Variants in COL27A1 observed in about 807,000 individuals in gnomAD.
The protein encoded by COL27A1 is collagen type XXVII alpha 1 chain.
COL27A1 carries 106 observed loss-of-function variants against 251.3 expected under a neutral mutation model. That is an observed-to-expected ratio of 0.42 (90% CI 0.36 to 0.50). The LOEUF (loss-of-function observed/expected upper bound fraction) is 0.50. Ranked by LOEUF, COL27A1 falls within the 20% of genes least tolerant of loss-of-function variation. COL27A1 has a pLI of 0.00. For missense variants in COL27A1, 2,325 were observed against 2,522.8 expected (o/e 0.92, Z 1.68); for synonymous variants, 1,000 against 986.3 (o/e 1.01, Z -0.26).
intron 28 of COL27A1, among the ~76,000 whole-genome samples, chr9:114,259,989 T>C (rs1177546326): frequency 1.3e-5 from 1 of 76,292 alleles, no homozygotes; most frequent in Non-Finnish European, 2.7e-5. Context: ...GCCCATGTCC[T>C]CTGGGTGGGG....
chr9:114,196,009 A>G lies in COL27A1; in HGVS notation c.2121A>G (p.Arg707=), dbSNP rs1588634633. 6.2e-7 allele frequency: 1 copy of G among 1,613,988 alleles called. No individual in the cohort carries two copies. The change falls in exon 7 of 61, where the codon CGA becomes CGG. Residue 707 remains arginine (R), a synonymous_variant. Coordinates refer to ENST00000356083, the MANE Select transcript of COL27A1 (RefSeq NM_032888.4). The part of the protein sequence containing the change: ...GLSGNPGPPG[R]KGHKGYPGPA... ...CCGGGAATCCAGGACCTCCGGGACGAAAGGTACTGTTTGGTTTTGATGCTT... is the reference window on the plus strand; with the variant it reads ...CCGGGAATCCAGGACCTCCGGGACGGAAGGTACTGTTTGGTTTTGATGCTT...
intron 12 of COL27A1, among the ~76,000 whole-genome samples, chr9:114,215,120 C>G (rs1033080186): frequency 1.3e-5 from 2 of 152,246 alleles, no homozygotes; most frequent in African/African-American, 4.8e-5. Flanking sequence ...GACCCTAAAG[C>G]TTAGAGCTGG....
chr9:114,246,843 C>T (rs1372118325), intron 24 of COL27A1, among the ~76,000 whole-genome samples: 4 of 151,364 alleles, frequency 2.6e-5, no homozygotes, highest in South Asian at 2.1e-4. Flanking sequence ...GAGAGGCTGC[C>T]GCGGCCTGGA....
intron 6 of COL27A1, 80 bp from the exon 7 acceptor site, chr9:114,195,879 T>A: frequency 9.2e-7 from 1 of 1,090,606 alleles, no homozygotes; most frequent in Admixed American, 1.7e-5. Flanking sequence ...CATTGGAAGT[T>A]ACCATTCCAA....
chr9:114,239,691 T>G (rs1344820471), intron 19 of COL27A1, among the ~76,000 whole-genome samples: 3 of 152,086 alleles, frequency 2.0e-5, no homozygotes, highest in African/African-American at 7.2e-5. Flanking sequence ...CCCCCATGGG[T>G]GGAGTGGGGC....
In COL27A1 at chr9:114,301,226, A is replaced by G. The variant is rs77380201; in HGVS notation, c.4756-58A>G. 5,206 of 1,609,926 alleles carry G rather than the reference A, an allele frequency of 3.2e-3. 158 individuals carry two copies. In the African/African-American group the frequency reaches 0.062, roughly 19 times the overall value. ...TGCCAGTCTGAGCCTCAGTTTCCTC[A>G]TCTGGAAATGGGGCTTCACCTCTGG... On this transcript the variant is annotated intron_variant, in intron 52 of 60. Coordinates refer to ENST00000356083, the MANE Select transcript of COL27A1 (RefSeq NM_032888.4).
chr9:114,265,523 G>T (rs748173432), intron 32 of COL27A1, 48 bp downstream of exon 32: 2 of 1,577,722 alleles, frequency 1.3e-6, no homozygotes, highest in Admixed American at 3.3e-5. Context: ...GCTGGCACCT[G>T]GGGGTGTGGG....
At chr9:114,277,432 C>A (rs10817581) in intron 37 of COL27A1, among the ~76,000 whole-genome samples, 1 of 151,998 alleles carries the variant, frequency 6.6e-6, no homozygotes, top group Non-Finnish European at 1.5e-5. Context: ...GCAAAGCAGC[C>A]CAGTTTGATT....
At chr9:114,277,227 C>T (rs1032577265) in intron 37 of COL27A1, among the ~76,000 whole-genome samples, 2 of 152,076 alleles carry the variant, frequency 1.3e-5, no homozygotes, top group East Asian at 1.9e-4. Context: ...AGTGCTGGGT[C>T]GGTTCAGTTG....
rs201604319 is a variant in COL27A1 at position 114,265,098 on chromosome 9, G to T, written c.3327G>T (p.Ser1109=). Residue 1109 remains serine (S), a synonymous_variant, in exon 31 of 61, where the codon TCG becomes TCT. Transcript: ENST00000356083. ...GVAGERGHLG[S]RGFPGIPGPS... ...CTGGTGAGCGAGGCCACTTGGGCTCGAGAGGCTTTCCTGTAAGTAGCACCA... is the reference window on the plus strand; with the variant it reads ...CTGGTGAGCGAGGCCACTTGGGCTCTAGAGGCTTTCCTGTAAGTAGCACCA... The T allele has an allele frequency of 3.1e-6, 5 of 1,604,786 alleles. No homozygotes were observed. Among genetic ancestry groups the T allele is most frequent in the Non-Finnish European group, 4.3e-6 (5 of 1,174,986 alleles).
intron 8 of COL27A1, among the ~76,000 whole-genome samples, chr9:114,205,470 G>T (rs1829887680): frequency 6.6e-6 from 1 of 152,202 alleles, no homozygotes; most frequent in Non-Finnish European, 1.5e-5. Context: ...AGGAATTTTG[G>T]CCAGCCTGGC....
At chr9:114,230,795 G>T (rs1249432720) in intron 14 of COL27A1, among the ~76,000 whole-genome samples, 1 of 152,228 alleles carries the variant, frequency 6.6e-6, no homozygotes, top group Non-Finnish European at 1.5e-5. Flanking sequence ...CTGATACGGG[G>T]TAAAGAATCA....
intron 19 of COL27A1, among the ~76,000 whole-genome samples, chr9:114,237,971 C>T (rs1319351446): frequency 6.6e-6 from 1 of 152,210 alleles, no homozygotes; most frequent in Non-Finnish European, 1.5e-5. Context: ...GTGGCCACCG[C>T]AGCTTTGTGA....
At chr9:114,301,934 C>T (rs899462375) in intron 55 of COL27A1, 148 bp from the exon 56 acceptor site, 1 of 941,038 alleles carries the variant, frequency 1.1e-6, no homozygotes, top group Non-Finnish European at 1.7e-6. Context: ...CATAGACCAG[C>T]CCACTGGGGC....
chr9:114,290,314 G>A lies in COL27A1; in HGVS notation c.4351G>A (p.Gly1451Arg), dbSNP rs761876047. The stretch of plus-strand genomic sequence containing the variant: ...ACCAGATGGGCTTCCTGGCAGGGAC[G>A]GGCAAGCAGGACAGCAGGTGAGCGG... ...AGPDGLPGRD[G>R]QAGQQGEQGD... The change falls in exon 47 of 61, where the codon GGG becomes AGG. Residue 1451 changes from glycine (G) to arginine (R), a missense_variant. Transcript: ENST00000356083. This position sits in a 1 kb window ranked among gnomAD's most constrained non-coding sequence, Gnocchi z 4.6. 1.1e-5 allele frequency: 17 copies of A among 1,580,552 alleles called. No individual in the cohort carries two copies. Among genetic ancestry groups the A allele is most frequent in the East Asian group, 9.2e-5 (4 of 43,694 alleles).
chr9:114,236,643 A>G (rs1832419396), intron 17 of COL27A1, among the ~76,000 whole-genome samples: 1 of 152,114 alleles, frequency 6.6e-6, no homozygotes, highest in East Asian at 1.9e-4. Context: ...CGGGTTGTGA[A>G]CCACAGCAGG....
chr9:114,157,885 G>C (rs1416021031), intron 1 of COL27A1, among the ~76,000 whole-genome samples: 2 of 152,236 alleles, frequency 1.3e-5, no homozygotes, highest in Non-Finnish European at 2.9e-5. Flanking sequence ...AGATGAACAG[G>C]ACCATGCTTG....
rs1421423347 is a variant in COL27A1, at chr9:114,182,350, C to T, written c.1963-672C>T. On this transcript the variant is annotated intron_variant, in intron 4 of 60. Coordinates refer to ENST00000356083, the MANE Select transcript of COL27A1 (RefSeq NM_032888.4). ...ATGATCATACCACTACAGTCTAGCC[C>T]AGGCGACAGAGCAAGACCCTGCCTC... is the stretch of plus-strand genomic sequence containing the variant. Among the ~76,000 whole-genome samples the T allele has an allele frequency of 2.6e-5, 4 of 151,476 alleles. No homozygotes were observed. In the South Asian group the frequency reaches 6.3e-4, roughly 24 times the overall value.
chr9:114,246,540 C>T (rs989771974), intron 24 of COL27A1, among the ~76,000 whole-genome samples: 27 of 152,338 alleles, frequency 1.8e-4, no homozygotes, highest in African/African-American at 6.5e-4. Flanking sequence ...GAAAGCTTAA[C>T]CTCTTGGCTC....
Sources: allele counts gnomAD v4.1 joint callset (sites outside exome capture counted in the v4.1 genomes callset), GRCh38; gene constraint gnomAD v4.1.1; non-coding constraint Gnocchi (gnomAD v3.1); transcripts MANE v1.5; gene names NCBI Gene and HGNC (gene_info 2026-07-23, HGNC 2026-07-21).